The following KCTD1 variants were observed in gnomAD, a reference collection of about 807,000 sequenced individuals.
KCTD1 encodes the protein BTB/POZ domain-containing protein KCTD1.
Under a neutral mutation model 66.0 loss-of-function variants are expected in KCTD1, and 24 were observed. The observed-to-expected ratio is 0.36, with a 90% CI of 0.26 to 0.51. KCTD1 has a LOEUF of 0.51. Ranked by LOEUF, KCTD1 falls within the 20% of genes least tolerant of loss-of-function variation. KCTD1 has a pLI of 0.95. For synonymous variants in KCTD1, 511 were observed against 517.2 expected (o/e 0.99, Z 0.16); for missense variants, 943 against 1,205.2 (o/e 0.78, Z 3.22).
intron 1 of KCTD1, among the ~76,000 whole-genome samples, chr18:26,554,031 AAGGAAGGAAAGAATGAAAGAAAT>A (rs1200728557): frequency 6.6e-6 from 1 of 151,722 alleles, no homozygotes; most frequent in African/African-American, 2.4e-5. Flanking sequence ...AAAGAAAAGA[AAGGAAGGAAAGAATGAAAGAAAT>A]AGGAAGGAAA....
chr18:26,469,957 G>A (rs374094251), intron 3 of KCTD1, among the ~76,000 whole-genome samples: 68 of 152,082 alleles, frequency 4.5e-4, no homozygotes, highest in African/African-American at 1.6e-3. Context: ...CAAACAAAAA[G>A]GCCCTGCCTG....
intron 1 of KCTD1, among the ~76,000 whole-genome samples, chr18:26,649,644 G>A (rs910617541): frequency 1.3e-5 from 2 of 152,138 alleles, no homozygotes; most frequent in Non-Finnish European, 2.9e-5. Context: ...GAGTAGCTGG[G>A]ACTACAGGCA....
chr18:26,570,192 ATATATAT>A (rs1445111310), intron 1 of KCTD1, among the ~76,000 whole-genome samples: 7 of 88,034 alleles, frequency 8.0e-5, no homozygotes, highest in Middle Eastern at 6.3e-3. Context: ...TCTAAAAAAA[ATATATAT>A]ATATATATAT....
At chr18:26,559,167 G>C (rs1985785003) in intron 1 of KCTD1, among the ~76,000 whole-genome samples, 1 of 152,014 alleles carries the variant, frequency 6.6e-6, no homozygotes, top group Non-Finnish European at 1.5e-5. Context: ...TAGAAAGAAT[G>C]AATAAGATCT....
chr18:26,513,696 C>G (rs1166295909), intron 1 of KCTD1, among the ~76,000 whole-genome samples: 1 of 152,210 alleles, frequency 6.6e-6, no homozygotes, highest in African/African-American at 2.4e-5. Flanking sequence ...CTGTAATGCT[C>G]TTTCCAGTTC....
At chr18:26,505,731 C>G (rs976454514) in intron 1 of KCTD1, among the ~76,000 whole-genome samples, 1 of 151,860 alleles carries the variant, frequency 6.6e-6, no homozygotes, top group Non-Finnish European at 1.5e-5. Flanking sequence ...CAACTAATAA[C>G]ATTTTTTTGT....
chr18:26,607,358 C>T (rs566298225), intron 1 of KCTD1, among the ~76,000 whole-genome samples: 1 of 152,304 alleles, frequency 6.6e-6, no homozygotes, highest in South Asian at 2.1e-4. Flanking sequence ...CCTCACACCT[C>T]TATTATAGCA....
At chr18:26,645,866 T>G (rs1460748485) in intron 1 of KCTD1, among the ~76,000 whole-genome samples, 1 of 152,184 alleles carries the variant, frequency 6.6e-6, no homozygotes, top group Non-Finnish European at 1.5e-5. Context: ...AATTGAAAAC[T>G]CTGGGAATGG....
upstream of KCTD1, among the ~76,000 whole-genome samples, chr18:26,551,913 C>G (rs1311703199): frequency 6.6e-6 from 1 of 152,238 alleles, no homozygotes; most frequent in Non-Finnish European, 1.5e-5. Context: ...AGACTACCAC[C>G]TTGACAATCG....
chr18:26,610,708 G>GAGAA (rs1041577254), intron 1 of KCTD1, among the ~76,000 whole-genome samples: 3 of 151,952 alleles, frequency 2.0e-5, no homozygotes, highest in Non-Finnish European at 2.9e-5. Flanking sequence ...AAGAAAGAAA[G>GAGAA]AGAAAGAAAG....
intron 2 of KCTD1, among the ~76,000 whole-genome samples, chr18:26,496,491 G>T (rs1200541318): frequency 6.6e-6 from 1 of 152,060 alleles, no homozygotes; most frequent in Non-Finnish European, 1.5e-5. Flanking sequence ...TCAGATGGTG[G>T]AGATTAACCT....
rs1220156644 is a variant in KCTD1 at position 26,532,257 on chromosome 18, CCTTCTTTT to C, written c.1809+14463_1809+14470del. On this transcript the variant is annotated intron_variant, in intron 1 of 4. Coordinates refer to ENST00000580059, the MANE Select transcript of KCTD1 (RefSeq NM_001142730.3). ...TATTCTTTTTCTTTTTCTTTTCTTT[CCTTCTTTT>C]TTTTTTTTTTTTTTTTTTTTTTGAG... Among the ~76,000 whole-genome samples the C allele has an allele frequency of 4.9e-3, 631 of 128,192 alleles. 35 individuals carry two copies. The highest frequency in any genetic ancestry group is 0.02 in the African/African-American group (599 of 29,656). 84.1% of individuals were successfully genotyped at this position (128,192 alleles called of 152,430 possible). A position where few individuals can be genotyped will look rare whatever the true frequency, so the allele number is the denominator to read the frequency against.
chr18:26,541,011 G>A (rs549436626), intron 1 of KCTD1, among the ~76,000 whole-genome samples: 1 of 152,292 alleles, frequency 6.6e-6, no homozygotes, highest in Non-Finnish European at 1.5e-5. Flanking sequence ...CGGTGGAGAT[G>A]GTGCTGCAGG....
intron 1 of KCTD1, among the ~76,000 whole-genome samples, chr18:26,554,165 GAAA>G (rs1297764705): frequency 5.0e-5 from 7 of 139,002 alleles, no homozygotes; most frequent in Admixed American, 1.4e-4. Flanking sequence ...CAGAAGGAAA[GAAA>G]AAGAAAGAAG....
chr18:26,536,814 T>C (rs1263148968), intron 1 of KCTD1, among the ~76,000 whole-genome samples: 4 of 152,136 alleles, frequency 2.6e-5, no homozygotes, highest in Non-Finnish European at 5.9e-5. Flanking sequence ...TCACCTTGCC[T>C]TTCTCTCAGA....
chr18:26,528,679 A>G (rs899644952), intron 1 of KCTD1, among the ~76,000 whole-genome samples: 2 of 152,144 alleles, frequency 1.3e-5, no homozygotes, highest in Admixed American at 1.3e-4. Flanking sequence ...ATGCCCCACA[A>G]AACTGTTCTT....
In KCTD1 at chr18:26,652,456, C is replaced by T. The variant is rs547564738; in HGVS notation, c.9+4904G>A. ...ATTGTGTCAGTTATTTGTATGTAAA[C>T]GGACTTTTAAAAAGCATCCAACCAT... On this transcript the variant is annotated intron_variant, in intron 1 of 4. Coordinates refer to the KCTD1 transcript ENST00000580191. Among the ~76,000 whole-genome samples, 9 of 152,244 alleles carry T rather than the reference C, an allele frequency of 5.9e-5. No homozygotes were observed. In the South Asian group the frequency reaches 1.5e-3, roughly 25 times the overall value.
chr18:26,514,330 G>A (rs1983519800), intron 1 of KCTD1, among the ~76,000 whole-genome samples: 1 of 152,070 alleles, frequency 6.6e-6, no homozygotes, highest in South Asian at 2.1e-4. Context: ...AAGTAGGAGG[G>A]CTGCTTGCGG....
rs955275440 is a variant in KCTD1, at chr18:26,476,828, C to T, written c.1989-169G>A. On this transcript the variant is annotated intron_variant, in intron 2 of 4. Transcript: ENST00000580059. This position sits in a 1 kb window ranked among gnomAD's most constrained non-coding sequence, Gnocchi z 4.9. Reference sequence around the variant, plus strand: ...TCCCCGCTTGATAAATATCTCAGGACGAGACCATTCAAAATAGTCCTAGGC... The same window carrying T: ...TCCCCGCTTGATAAATATCTCAGGATGAGACCATTCAAAATAGTCCTAGGC... The T allele has an allele frequency of 4.0e-5, 24 of 597,094 alleles. No homozygotes were observed. Among genetic ancestry groups the T allele is most frequent in the Non-Finnish European group, 6.4e-5 (22 of 343,608 alleles). 37.0% of individuals were successfully genotyped at this position (597,094 alleles called of 1,614,324 possible).
Sources: gnomAD v4.1 joint callset for allele counts (sites outside exome capture counted in the v4.1 genomes callset) on GRCh38, gnomAD v4.1.1 for gene constraint, Gnocchi (gnomAD v3.1) non-coding constraint, MANE v1.5 for transcripts, NCBI Gene and HGNC (gene_info 2026-07-23, HGNC 2026-07-21) for gene names.